The following SELENON variants were observed in gnomAD, a reference collection of about 807,000 sequenced individuals.
SELENON encodes selenoprotein N, also known as selenoprotein N, 1.
A neutral mutation model predicts 59.5 loss-of-function variants in SELENON; 44 were observed. The ratio of observed to expected loss-of-function variants is 0.74; its 90% CI spans 0.58 to 0.95. The LOEUF is 0.95. Among genes scored for constraint, SELENON ranks in the 40% least tolerant of loss-of-function variants. SELENON has a pLI of 0.00. For missense variants in SELENON, 674 were observed against 721.4 expected (o/e 0.93, Z 0.75); for synonymous variants, 320 against 305.6 (o/e 1.05, Z -0.49).
chr1:25,804,270 G>A (rs1243694378), intron 3 of SELENON, among the ~76,000 whole-genome samples: 8 of 152,176 alleles, frequency 5.3e-5, no homozygotes, highest in African/African-American at 9.6e-5. Context: ...GGTGGGTTGT[G>A]AGCATCTGTA....
chr1:25,815,484 A>G, intron 12 of SELENON, 64 bp from the exon 12 acceptor site: 2 of 1,368,898 alleles, frequency 1.5e-6, no homozygotes, highest in East Asian at 4.6e-5. Context: ...CCCATAGAAG[A>G]GAGGGCACAG....
chr1:25,811,437 T>C lies in SELENON; in HGVS notation c.1011-17T>C. On this transcript the variant is annotated splice_polypyrimidine_tract_variant and intron_variant, in intron 7 of 12. Coordinates refer to ENST00000361547, the MANE Select transcript of SELENON (RefSeq NM_020451.3). ...ATGGGCTTTGATGATGGTGTCACTC[T>C]GCCCTGGCCATCCCAGGTCTCTGAA... 5 of 1,609,548 alleles carry C rather than the reference T, an allele frequency of 3.1e-6. No homozygotes were observed. In the South Asian group the frequency reaches 4.4e-5, roughly 14 times the overall value.
intron 3 of SELENON, among the ~76,000 whole-genome samples, chr1:25,804,150 A>C (rs754421495): frequency 1.6e-4 from 25 of 152,158 alleles, no homozygotes; most frequent in Middle Eastern, 3.2e-3. Flanking sequence ...CAAATACAGA[A>C]ATAAGTGATT....
At chr1:25,804,789 C>A (rs1270877213) in intron 3 of SELENON, among the ~76,000 whole-genome samples, 1 of 152,126 alleles carries the variant, frequency 6.6e-6, no homozygotes, top group Admixed American at 6.5e-5. Flanking sequence ...CTGAGTTCCT[C>A]TCAGTCCCAG....
intron 1 of SELENON, 66 bp downstream of exon 1, chr1:25,800,479 C>A: frequency 2.2e-6 from 2 of 903,504 alleles, no homozygotes; most frequent in Non-Finnish European, 2.7e-6. Context: ...GCCTCGGCAG[C>A]AGGGGGGACA....
chr1:25,812,870 T>A, intron 10 of SELENON, 78 bp downstream of exon 9: 1 of 1,107,990 alleles, frequency 9.0e-7, no homozygotes, highest in Non-Finnish European at 1.3e-6. Context: ...CTGAGACCAA[T>A]GGGACTCTTC....
Position 25,814,179 on chromosome 1 carries a change from G to A in SELENON, c.1602+1G>A, listed in dbSNP as rs751927853. The A allele has an allele frequency of 1.7e-5, 27 of 1,613,336 alleles. No homozygotes were observed. Among genetic ancestry groups the A allele is most frequent in the Non-Finnish European group, 2.3e-5 (27 of 1,179,602 alleles). ...GATCTGCCTGCCCAATGGCACCGTG[G>A]TAGGCACCCCCACTCAGACCCCACA... is the stretch of plus-strand genomic sequence containing the variant. On this transcript the variant is annotated splice_donor_variant, in intron 12 of 12. Coordinates refer to ENST00000361547, the MANE Select transcript of SELENON (RefSeq NM_020451.3). LOFTEE classifies it high-confidence loss of function.
Position 25,801,101 on chromosome 1 carries a change from C to T in SELENON, c.242C>T (p.Thr81Ile), listed in dbSNP as rs543137946. ...CTTTTTCTCTTTTCCTCCTTGGACA[C>T]TGACGGGGATATGTACATCAGCCCT... Residue 81 changes from threonine (T) to isoleucine (I), a missense_variant, in exon 2 of 13, where the codon ACT becomes ATT. Thr to Ile is a moderately conservative substitution (Grantham distance 89). Transcript: ENST00000361547. 1.2e-6 allele frequency: 2 copies of T among 1,614,084 alleles called. No individual in the cohort carries two copies. Among genetic ancestry groups the T allele is most frequent in the African/African-American group, 2.7e-5 (2 of 74,938 alleles).
At chr1:25,811,905 A>G (rs2124451431) in intron 9 of SELENON, 26 bp downstream of exon 8, 1 of 1,550,812 alleles carries the variant, frequency 6.4e-7, no homozygotes, top group East Asian at 2.4e-5. Context: ...GGTGAAGGCC[A>G]GGGTCAGGCT....
chr1:25,804,863 C>T (rs1270055719), intron 3 of SELENON, among the ~76,000 whole-genome samples: 2 of 152,134 alleles, frequency 1.3e-5, no homozygotes, highest in African/African-American at 2.4e-5. Flanking sequence ...GTTTCAATCC[C>T]GATTCCCCCA....
intron 4 of SELENON, among the ~76,000 whole-genome samples, chr1:25,806,823 T>G (rs1006576558): frequency 6.8e-6 from 1 of 147,108 alleles, no homozygotes; most frequent in African/African-American, 2.5e-5. Context: ...CCCTTTCTTT[T>G]TTTTTTTTTT....
rs2047933441 is a variant in SELENON, at chr1:25,808,846, C to T, written c.747+57C>T. ...CTCCGCCCGAGCCCAGGAGTGGCCA[C>T]CCCTCTGTCTGCGCCTGGACCCCAG... On this transcript the variant is annotated intron_variant, in intron 5 of 12. Coordinates refer to ENST00000361547, the MANE Select transcript of SELENON (RefSeq NM_020451.3). 2.5e-6 allele frequency: 4 copies of T among 1,600,784 alleles called. No individual in the cohort carries two copies. The South Asian group carries it at 4.4e-5, about 18-fold the overall frequency.
In SELENON at chr1:25,813,789, G is replaced by C; in HGVS notation, c.1388-92G>C. On this transcript the variant is annotated intron_variant, in intron 10 of 12. Transcript: ENST00000361547. ...GAATCTGTTATTTCACTTGGGTGCA[G>C]AGACTGTCCTGCAGCCCGTGAGGTC... The C allele has an allele frequency of 1.6e-5, 14 of 896,396 alleles. No homozygotes were observed. The South Asian group carries it at 1.8e-4, about 12-fold the overall frequency. 55.5% of individuals were successfully genotyped at this position (896,396 alleles called of 1,614,324 possible).
intron 3 of SELENON, among the ~76,000 whole-genome samples, chr1:25,802,771 G>T (rs768032852): frequency 6.6e-6 from 1 of 152,146 alleles, no homozygotes; most frequent in Non-Finnish European, 1.5e-5. Context: ...CGCTTCTCTC[G>T]CTGCCCCACC....
chr1:25,808,386 C>T lies in SELENON; in HGVS notation c.538-194C>T, dbSNP rs560550935. On this transcript the variant is annotated intron_variant, in intron 4 of 12. Transcript: ENST00000361547. The stretch of plus-strand genomic sequence containing the variant: ...TGGGTGGGCTGCAGAGGCACTGCAG[C>T]AGGGAGAGGAGCCTCTCTCTGGCGG... Among the ~76,000 whole-genome samples the T allele has an allele frequency of 5.3e-5, 8 of 152,008 alleles. No homozygotes were observed. In the South Asian group the frequency reaches 1.2e-3, roughly 24 times the overall value.
Position 25,811,707 on chromosome 1 carries a change from C to T in SELENON, c.1109C>T (p.Thr370Met), listed in dbSNP as rs757670739. 7.5e-6 allele frequency: 12 copies of T among 1,609,154 alleles called. No individual in the cohort carries two copies. The highest frequency in any genetic ancestry group is 1.6e-4 in the Middle Eastern group (1 of 6,078). ...CTGGCCCAGATGGAGCTGGAGGCCA[C>T]GGGCCCCTCTGTGCCCTCCGTGATC... The change falls in exon 9 of 13, where the codon ACG (threonine) becomes ATG (methionine). Residue 370 changes from threonine (T) to methionine (M), a missense_variant. Transcript: ENST00000361547.
intron 7 of SELENON, among the ~76,000 whole-genome samples, chr1:25,810,333 G>A (rs766047631): frequency 1.2e-4 from 19 of 152,348 alleles, no homozygotes; most frequent in Non-Finnish European, 2.2e-4. Context: ...AGGGGCTTCC[G>A]GGACGGTGCT....
chr1:25,814,176 G>A lies in SELENON; in HGVS notation c.1600G>A (p.Val534Met), dbSNP rs765889904. ...GATGATCTGCCTGCCCAATGGCACC[G>A]TGGTAGGCACCCCCACTCAGACCCC... The change falls in exon 12 of 13, where the codon GTG (valine) becomes ATG (methionine). Residue 534 changes from valine (V) to methionine (M), a missense_variant and splice_region_variant. Transcript: ENST00000361547. 8 of 1,613,202 alleles carry A rather than the reference G, an allele frequency of 5.0e-6. No individual in the cohort carries two copies. The highest frequency in any genetic ancestry group is 1.1e-5 in the South Asian group (1 of 90,962).
chr1:25,812,882 G>C, intron 10 of SELENON, 90 bp downstream of exon 9: 1 of 1,029,360 alleles, frequency 9.7e-7, no homozygotes, highest in Non-Finnish European at 1.5e-6. Flanking sequence ...GGACTCTTCT[G>C]TTGAGTTGTG....
Sources: gnomAD v4.1 joint callset for allele counts (sites outside exome capture counted in the v4.1 genomes callset) on GRCh38, gnomAD v4.1.1 for gene constraint, MANE v1.5 for transcripts, NCBI Gene and HGNC (gene_info 2026-07-23, HGNC 2026-07-21) for gene names.